GALNTL6: variants seen among roughly 807,000 people sequenced by gnomAD.
GALNTL6 encodes polypeptide N-acetylgalactosaminyltransferase like 6.
Under a neutral mutation model 73.7 loss-of-function variants are expected in GALNTL6, and 46 were observed. That is an observed-to-expected ratio of 0.62 (90% CI 0.49 to 0.80). The LOEUF is 0.80. Ranked by LOEUF, GALNTL6 falls within the 30% of genes least tolerant of loss-of-function variation. The pLI is 0.00. For synonymous variants in GALNTL6, 259 were observed against 263.7 expected (o/e 0.98, Z 0.17); for missense variants, 604 against 755.0 (o/e 0.80, Z 2.34).
intron 2 of GALNTL6, among the ~76,000 whole-genome samples, chr4:171,841,098 G>A (rs2046482): frequency 0.51 from 77,936 of 151,960 alleles, 22,830 homozygotes; most frequent in Non-Finnish European, 0.65. Context: ...TTCTTTCCCT[G>A]CTGGATCTGG....
intron 5 of GALNTL6, among the ~76,000 whole-genome samples, chr4:172,423,778 G>A (rs72990234): frequency 0.033 from 5,042 of 152,024 alleles, 268 homozygotes; most frequent in African/African-American, 0.11. Context: ...ACCATGCATA[G>A]TACATAGTAA....
intron 2 of GALNTL6, among the ~76,000 whole-genome samples, chr4:172,220,030 C>G (rs1272794539): frequency 6.6e-6 from 1 of 151,822 alleles, no homozygotes; most frequent in Non-Finnish European, 1.5e-5. Context: ...GGAATTTCTC[C>G]TTCTAAGTCT....
rs182199105 is a variant in GALNTL6, at chr4:172,884,534, A to T, written c.1041+1627A>T. Among the ~76,000 whole-genome samples, 3 of 152,232 alleles carry T rather than the reference A, an allele frequency of 2.0e-5. No individual in the cohort carries two copies. In the East Asian group the frequency reaches 5.8e-4, roughly 29 times the overall value. The stretch of plus-strand genomic sequence containing the variant: ...ATTCTGGTTATTATTTCTTTGTCAG[A>T]TAGATAGTTTGCAAACATTTTCTCC... On this transcript the variant is annotated intron_variant, in intron 8 of 12. Coordinates refer to ENST00000506823, the MANE Select transcript of GALNTL6 (RefSeq NM_001034845.3).
chr4:172,691,129 C>T (rs1296214457), intron 5 of GALNTL6, among the ~76,000 whole-genome samples: 1 of 152,140 alleles, frequency 6.6e-6, no homozygotes, highest in Non-Finnish European at 1.5e-5. Context: ...AACATTATAG[C>T]TGAGCCTTGA....
intron 8 of GALNTL6, among the ~76,000 whole-genome samples, chr4:172,905,393 T>C (rs1009257846): frequency 1.3e-5 from 2 of 152,200 alleles, no homozygotes; most frequent in African/African-American, 4.8e-5. Flanking sequence ...CTGAAAAATC[T>C]TGTTATGATT....
At chr4:172,358,340 A>G (rs57197687) in intron 5 of GALNTL6, among the ~76,000 whole-genome samples, 3,463 of 152,340 alleles carry the variant, frequency 0.023, 122 homozygotes, top group African/African-American at 0.077. Context: ...CCCCCAATAT[A>G]GAGAAAAGAC....
intron 5 of GALNTL6, among the ~76,000 whole-genome samples, chr4:172,549,386 T>C (rs1735880673): frequency 6.6e-6 from 1 of 152,232 alleles, no homozygotes; most frequent in African/African-American, 2.4e-5. Context: ...TCTAGGAGAC[T>C]GCCTACTGCC....
chr4:172,546,567 C>A (rs978119502), intron 5 of GALNTL6, among the ~76,000 whole-genome samples: 6 of 151,194 alleles, frequency 4.0e-5, no homozygotes, highest in Non-Finnish European at 7.4e-5. Context: ...TTCTTCTTGC[C>A]TTCCAACCAT....
intron 2 of GALNTL6, among the ~76,000 whole-genome samples, chr4:172,076,397 T>G (rs1731705504): frequency 6.6e-6 from 1 of 152,228 alleles, no homozygotes; most frequent in South Asian, 2.1e-4. Context: ...ACTGATGGGA[T>G]AATAACATTC....
chr4:172,924,387 TG>T (rs1747941398), intron 8 of GALNTL6, among the ~76,000 whole-genome samples: 1 of 152,168 alleles, frequency 6.6e-6, no homozygotes, highest in Non-Finnish European at 1.5e-5. Context: ...AAACTTTAAG[TG>T]GGTCACACAT....
chr4:172,271,764 A>G (rs1738662322), intron 3 of GALNTL6, among the ~76,000 whole-genome samples: 1 of 152,086 alleles, frequency 6.6e-6, no homozygotes. Context: ...ATATATAGCC[A>G]TACACACATA....
intron 5 of GALNTL6, among the ~76,000 whole-genome samples, chr4:172,789,066 G>A (rs1291345678): frequency 2.6e-5 from 4 of 152,156 alleles, no homozygotes; most frequent in Non-Finnish European, 5.9e-5. Context: ...CCAAGTGGTA[G>A]ACGCCAGCTA....
At chr4:172,061,783 C>G (rs922195408) in intron 2 of GALNTL6, among the ~76,000 whole-genome samples, 1 of 151,968 alleles carries the variant, frequency 6.6e-6, no homozygotes, top group Non-Finnish European at 1.5e-5. Context: ...CCACTAAACA[C>G]CTGAATTTAC....
At chr4:171,979,377 T>C (rs12510139) in intron 2 of GALNTL6, among the ~76,000 whole-genome samples, 67,864 of 151,936 alleles carry the variant, frequency 0.45, 18,198 homozygotes, top group Non-Finnish European at 0.6. Flanking sequence ...ATAACAATGA[T>C]AGACAAAATG....
At chr4:172,403,949 A>G (rs1260295847) in intron 5 of GALNTL6, among the ~76,000 whole-genome samples, 1 of 151,956 alleles carries the variant, frequency 6.6e-6, no homozygotes, top group Non-Finnish European at 1.5e-5. Flanking sequence ...GCACAAAACT[A>G]CCCAAAACTC....
At chr4:172,379,805 T>C (rs1343367145) in intron 5 of GALNTL6, among the ~76,000 whole-genome samples, 1 of 152,132 alleles carries the variant, frequency 6.6e-6, no homozygotes, top group Admixed American at 6.5e-5. Flanking sequence ...TTTTAAACGT[T>C]TCCCAACAGT....
At chr4:172,623,680 A>C (rs1739049716) in intron 5 of GALNTL6, among the ~76,000 whole-genome samples, 1 of 152,084 alleles carries the variant, frequency 6.6e-6, no homozygotes, top group South Asian at 2.1e-4. Flanking sequence ...CTTGCAATAA[A>C]TTTAATTCTT....
chr4:171,921,376 C>T (rs539537584), intron 2 of GALNTL6, among the ~76,000 whole-genome samples: 12 of 152,044 alleles, frequency 7.9e-5, no homozygotes, highest in African/African-American at 2.2e-4. Context: ...CTCTTCTATC[C>T]GTCTATCTAC....
chr4:172,676,486 C>G (rs1732308804), intron 5 of GALNTL6, among the ~76,000 whole-genome samples: 2 of 152,218 alleles, frequency 1.3e-5, no homozygotes, highest in Non-Finnish European at 2.9e-5. Flanking sequence ...GTGCTACTCT[C>G]ATGGGTTTGC....
Sources: allele counts gnomAD v4.1 joint callset (sites outside exome capture counted in the v4.1 genomes callset), GRCh38; gene constraint gnomAD v4.1.1; transcripts MANE v1.5; gene names NCBI Gene and HGNC (gene_info 2026-07-23, HGNC 2026-07-21).